The following SEMA6D variants were observed in gnomAD, a reference collection of about 807,000 sequenced individuals.
SEMA6D encodes semaphorin-6D.
In SEMA6D, 35 loss-of-function variants were observed where a neutral mutation model predicts 106.6. The observed-to-expected ratio is 0.33, with a 90% CI of 0.25 to 0.44. The LOEUF is 0.44. Among genes scored for constraint, SEMA6D ranks in the 20% least tolerant of loss-of-function variants. The probability of loss-of-function intolerance (pLI) is 1.00; values close to 1 mark genes in which losing one functional copy is unlikely to be tolerated. For missense variants in SEMA6D, 1,185 were observed against 1,345.9 expected (o/e 0.88, Z 1.87); for synonymous variants, 499 against 487.7 (o/e 1.02, Z -0.31).
chr15:47,499,206 T>G (rs1481845926), intron 3 of SEMA6D, among the ~76,000 whole-genome samples: 1 of 152,166 alleles, frequency 6.6e-6, no homozygotes, highest in Non-Finnish European at 1.5e-5. Flanking sequence ...AATGGTGGGA[T>G]GGAGAACAAG....
rs11419122 is a variant in SEMA6D, at chr15:47,480,024, AT to A, written c.-87+9492del. Among the ~76,000 whole-genome samples the A allele has an allele frequency of 7.3e-3, 1,033 of 141,860 alleles. 8 individuals are homozygous for A. The highest frequency in any genetic ancestry group is 0.043 in the East Asian group (211 of 4,862). The allele number at this position is 141,860 out of a possible 152,430, so 93.1% of individuals were successfully genotyped here. On this transcript the variant is annotated intron_variant, in intron 3 of 19. Coordinates refer to the SEMA6D transcript ENST00000558014. ...GGAACCACAGCACAGCACCTGATTA[AT>A]TTTTTTTTTTTTGGTAGATATGGGG... is the stretch of plus-strand genomic sequence containing the variant.
intron 4 of SEMA6D, among the ~76,000 whole-genome samples, chr15:47,655,058 C>A (rs973107942): frequency 6.6e-6 from 1 of 152,050 alleles, no homozygotes; most frequent in African/African-American, 2.4e-5. Context: ...ATAAGTGGAC[C>A]CATTCAGTTC....
At chr15:47,638,402 A>G (rs1211363905) in intron 4 of SEMA6D, among the ~76,000 whole-genome samples, 1 of 152,200 alleles carries the variant, frequency 6.6e-6, no homozygotes, top group Non-Finnish European at 1.5e-5. Context: ...AATAATCTTC[A>G]TTAAACTTGA....
In SEMA6D at chr15:47,554,427, A is replaced by C. The variant is rs139799028; in HGVS notation, c.-86-46438A>C. Among the ~76,000 whole-genome samples, 1,512 of 152,332 alleles carry C rather than the reference A, an allele frequency of 9.9e-3. 10 individuals are homozygous for C. The highest frequency in any genetic ancestry group is 0.021 in the Admixed American group (316 of 15,294). On this transcript the variant is annotated intron_variant, in intron 3 of 19. Coordinates refer to the SEMA6D transcript ENST00000558014. ...AGTGCTACAGACCCAACGGTGGGCA[A>C]TTTGAAAGAGGAGACTCTCTTTGCA...
intron 1 of SEMA6D, among the ~76,000 whole-genome samples, chr15:47,277,432 T>C (rs1209001283): frequency 6.6e-6 from 1 of 151,964 alleles, no homozygotes; most frequent in Non-Finnish European, 1.5e-5. Flanking sequence ...CCCTGGCCTT[T>C]AGCAAATCAT....
At position 47,348,718 on chromosome 15, in the gene SEMA6D, C is replaced by CAGAGAGAGA. The variant is rs1379277513; in HGVS notation, c.-238-63675_-238-63674insAGAGAGAGA. 5.2e-3 allele frequency among the ~76,000 whole-genome samples: 248 copies of CAGAGAGAGA among 47,946 alleles called. 7 individuals are homozygous for CAGAGAGAGA. Among genetic ancestry groups the CAGAGAGAGA allele is most frequent in the African/African-American group, 0.014 (229 of 16,500 alleles). The allele number at this position is 47,946 out of a possible 152,430, so 31.5% of individuals were successfully genotyped here. On this transcript the variant is annotated intron_variant, in intron 1 of 19. Transcript: ENST00000558014. ...ACACACACACACACACACACACACA[C>CAGAGAGAGA]CACACACACAGAGAGAGAGAGAGAG... is the stretch of plus-strand genomic sequence containing the variant.
At chr15:47,440,134 GACTGGATGAAAGCAGTGGTTTT>G (rs145318510) in intron 2 of SEMA6D, among the ~76,000 whole-genome samples, 13,533 of 151,996 alleles carry the variant, frequency 0.089, 690 homozygotes, top group Non-Finnish European at 0.095. Flanking sequence ...ACGTGTTAGA[GACTGGATGAAAGCAGTGGTTTT>G]AGAAATAGAG....
chr15:47,547,799 C>T (rs919306274), intron 3 of SEMA6D, among the ~76,000 whole-genome samples: 4 of 152,136 alleles, frequency 2.6e-5, no homozygotes, highest in African/African-American at 7.2e-5. Context: ...TATTAACATT[C>T]GTCTCCTACC....
intron 17 of SEMA6D, 58 bp from the exon 18 acceptor site, chr15:47,768,523 C>A: frequency 2.2e-6 from 3 of 1,376,858 alleles, no homozygotes; most frequent in Non-Finnish European, 2.9e-6. Context: ...ATGCAACAGA[C>A]CAATCAAAAA....
intron 1 of SEMA6D, among the ~76,000 whole-genome samples, chr15:47,280,136 G>A (rs1417687742): frequency 2.0e-5 from 3 of 152,034 alleles, no homozygotes; most frequent in African/African-American, 7.2e-5. Flanking sequence ...GGTAGAATTT[G>A]GCTGTAAATC....
chr15:47,295,528 A>T (rs2035769627), intron 1 of SEMA6D, among the ~76,000 whole-genome samples: 1 of 152,220 alleles, frequency 6.6e-6, no homozygotes, highest in South Asian at 2.1e-4. Flanking sequence ...TACTCTCCTA[A>T]AGAGATAGCA....
intron 3 of SEMA6D, among the ~76,000 whole-genome samples, chr15:47,528,978 T>C (rs1185653081): frequency 6.6e-6 from 1 of 152,220 alleles, no homozygotes; most frequent in Non-Finnish European, 1.5e-5. Context: ...TACCATATTC[T>C]TACAATCAAG....
At chr15:47,727,061 G>GTC (rs1035568587) in intron 1 of SEMA6D, among the ~76,000 whole-genome samples, 13 of 152,146 alleles carry the variant, frequency 8.5e-5, no homozygotes, top group African/African-American at 3.1e-4. Context: ...GAATTGTGGT[G>GTC]TCAAAAATCT....
At chr15:47,249,222 C>T (rs12441689) in intron 1 of SEMA6D, among the ~76,000 whole-genome samples, 114,154 of 152,048 alleles carry the variant, frequency 0.75, 45,074 homozygotes, top group Non-Finnish European at 0.89. Flanking sequence ...AGTGAGACTC[C>T]GTCTCAAAAA....
intron 1 of SEMA6D, among the ~76,000 whole-genome samples, chr15:47,330,915 C>T (rs2037318342): frequency 6.6e-6 from 1 of 152,138 alleles, no homozygotes; most frequent in Non-Finnish European, 1.5e-5. Context: ...AGAATGCATA[C>T]CTGCTTATGG....
At chr15:47,719,769 T>G (rs929719051) in intron 1 of SEMA6D, among the ~76,000 whole-genome samples, 1 of 152,242 alleles carries the variant, frequency 6.6e-6, no homozygotes, top group African/African-American at 2.4e-5. Flanking sequence ...TAGCTTTTGA[T>G]ACTGGTTTAC....
At chr15:47,642,379 T>A (rs1429970410) in intron 4 of SEMA6D, among the ~76,000 whole-genome samples, 2 of 152,036 alleles carry the variant, frequency 1.3e-5, no homozygotes, top group Non-Finnish European at 2.9e-5. Flanking sequence ...TCTACGTGAT[T>A]TTTTTTTACT....
chr15:47,369,870 T>C (rs898018016), intron 1 of SEMA6D, among the ~76,000 whole-genome samples: 3 of 152,216 alleles, frequency 2.0e-5, no homozygotes, highest in African/African-American at 7.2e-5. Context: ...CTTGTACTAA[T>C]TGAATGCTTG....
intron 1 of SEMA6D, among the ~76,000 whole-genome samples, chr15:47,227,438 T>TTTCTTTCTTTCTTTCTCTTTCTTTCTTTC (rs374904188): frequency 1.3e-5 from 1 of 77,666 alleles, no homozygotes; most frequent in Non-Finnish European, 2.6e-5. Flanking sequence ...TCTTTCTTTC[T>TTTCTTTCTTTCTTTCTCTTTCTTTCTTTC]TTTCTTTCTT....
Sources: gnomAD v4.1 joint callset for allele counts (sites outside exome capture counted in the v4.1 genomes callset) on GRCh38, gnomAD v4.1.1 for gene constraint, MANE v1.5 for transcripts, NCBI Gene and HGNC (gene_info 2026-07-23, HGNC 2026-07-21) for gene names.